The following RAD52 variants were observed in gnomAD, a reference collection of about 807,000 sequenced individuals.
RAD52 encodes RAD52 DNA repair protein.
RAD52 carries 47 observed loss-of-function variants against 55.5 expected under a neutral mutation model. That is an observed-to-expected ratio of 0.85 (90% confidence interval 0.67 to 1.08). The LOEUF is 1.08. Ranked by LOEUF, RAD52 falls within the 50% of genes least tolerant of loss-of-function variation. The pLI is 0.00. For missense variants in RAD52, 468 were observed against 522.8 expected (o/e 0.90, Z 1.02); for synonymous variants, 184 against 198.9 (o/e 0.92, Z 0.63).
intron 1 of RAD52, among the ~76,000 whole-genome samples, chr12:971,755 A>AT (rs902951282): frequency 2.0e-3 from 298 of 148,222 alleles, no homozygotes; most frequent in African/African-American, 5.7e-3. Context: ...GCTATTTGGA[A>AT]TTTTTTTTTT....
intron 9 of RAD52, among the ~76,000 whole-genome samples, chr12:915,136 A>C (rs1956287998): frequency 6.6e-6 from 1 of 152,140 alleles, no homozygotes; most frequent in South Asian, 2.1e-4. Flanking sequence ...CCTGTCTGAA[A>C]ACAAACCAAC....
At chr12:980,239 GA>G (rs980493350) in intron 1 of RAD52, among the ~76,000 whole-genome samples, 15 of 148,824 alleles carry the variant, frequency 1.0e-4, no homozygotes, top group South Asian at 8.4e-4. Context: ...ATATAGGCTA[GA>G]AAAAAAAATA....
chr12:924,804 G>A (rs911668960), intron 7 of RAD52, among the ~76,000 whole-genome samples: 4 of 152,178 alleles, frequency 2.6e-5, no homozygotes, highest in Admixed American at 6.5e-5. Context: ...GCTCAACAGC[G>A]AGGCTGGGAG....
intron 3 of RAD52, 87 bp downstream of exon 3, chr12:931,133 A>T: frequency 9.1e-7 from 1 of 1,093,790 alleles, no homozygotes; most frequent in Non-Finnish European, 1.4e-6. Flanking sequence ...AGACTTCCGA[A>T]TCCCTGAGGA....
Position 913,191 on chromosome 12 carries a change from A to G in RAD52, c.*200T>C, listed in dbSNP as rs929851843. 1 of 591,452 alleles carries G rather than the reference A, an allele frequency of 1.7e-6. No individual in the cohort carries two copies. Among genetic ancestry groups the G allele is most frequent in the Admixed American group, 3.2e-5 (1 of 31,272 alleles). The allele number at this position is 591,452 out of a possible 1,614,324, so 36.6% of individuals were successfully genotyped here. A position where few individuals can be genotyped will look rare whatever the true frequency, so the allele number is the denominator to read the frequency against. On this transcript the variant is annotated 3_prime_UTR_variant, in exon 12 of 12. Coordinates refer to ENST00000358495, the MANE Select transcript of RAD52 (RefSeq NM_134424.4). The stretch of plus-strand genomic sequence containing the variant: ...TCTGTCCAGAGCCTCTCCCTACTAG[A>G]GTGATGGACAAGCTTTTCAAAAGTG...
intron 1 of RAD52, chr12:974,361 G>T (rs953348829): frequency 3.3e-5 from 5 of 152,144 alleles, no homozygotes; most frequent in Non-Finnish European, 7.3e-5. Flanking sequence ...TAAAAGGCAG[G>T]TTTTTTTCTT....
intron 1 of RAD52, among the ~76,000 whole-genome samples, chr12:941,340 C>CA (rs1475645469): frequency 3.3e-5 from 5 of 151,778 alleles, no homozygotes; most frequent in Admixed American, 2.6e-4. Context: ...TTTTTTGAGA[C>CA]AGAGTTTCAC....
chr12:964,457 A>ACCTGGGTGGGG (rs1958729974), intron 1 of RAD52, among the ~76,000 whole-genome samples: 1 of 152,022 alleles, frequency 6.6e-6, no homozygotes, highest in African/African-American at 2.4e-5. Context: ...AATCCCAGCT[A>ACCTGGGTGGGG]CTCAGGAGGC....
In RAD52 at chr12:914,524, G is replaced by A; in HGVS notation, c.874C>T (p.Pro292Ser). ...GTGCTGTGCGTCACAGGAGGGGCCGGAGGCGCTGCTACGGTTCACAGAGGA... is the reference window on the plus strand; with the variant it reads ...GTGCTGTGCGTCACAGGAGGGGCCGAAGGCGCTGCTACGGTTCACAGAGGA... ...PSAEKSEAAP[P>S]APPVTHSTPV... The change falls in exon 10 of 12, where the codon CCG becomes TCG. Residue 292 changes from proline to serine, a missense_variant. By Grantham distance (74) the Pro-to-Ser change is moderately conservative (BLOSUM62 -1). Transcript: ENST00000358495. The A allele has an allele frequency of 6.2e-7, 1 of 1,613,462 alleles. No individual in the cohort carries two copies. The highest frequency in any genetic ancestry group is 8.5e-7 in the Non-Finnish European group (1 of 1,179,882).
chr12:936,177 G>A (rs915128178), intron 1 of RAD52, among the ~76,000 whole-genome samples: 1 of 151,862 alleles, frequency 6.6e-6, no homozygotes, highest in African/African-American at 2.4e-5. Flanking sequence ...AGTGGCGCGT[G>A]CCTGTAGTCC....
intron 1 of RAD52, among the ~76,000 whole-genome samples, chr12:979,217 A>G (rs1592495994): frequency 6.6e-6 from 1 of 152,220 alleles, no homozygotes; most frequent in East Asian, 1.9e-4. Context: ...AGGTGGGTGG[A>G]CTGTCTGAGC....
intron 9 of RAD52, 26 bp downstream of exon 9, chr12:916,303 TGCAGACGCCTCCCAG>T: frequency 6.3e-7 from 1 of 1,595,756 alleles, no homozygotes; most frequent in Non-Finnish European, 8.5e-7. Context: ...CACTTCCTCC[TGCAGACGCCTCCCAG>T]GGCCCTGCTC....
chr12:983,191 T>A (rs183811320), intron 1 of RAD52, among the ~76,000 whole-genome samples: 3 of 152,142 alleles, frequency 2.0e-5, no homozygotes, highest in Admixed American at 2.0e-4. Flanking sequence ...ACTCGTTCAC[T>A]CTCTACCCAT....
chr12:971,627 A>G (rs1324954158), intron 1 of RAD52, among the ~76,000 whole-genome samples: 1 of 152,244 alleles, frequency 6.6e-6, no homozygotes, highest in Non-Finnish European at 1.5e-5. Context: ...AAATATGGAA[A>G]GATAATAAAT....
At chr12:915,916 CA>C (rs1956344509) in intron 9 of RAD52, among the ~76,000 whole-genome samples, 1 of 152,118 alleles carries the variant, frequency 6.6e-6, no homozygotes, top group Non-Finnish European at 1.5e-5. Flanking sequence ...GGGGTTTCGC[CA>C]TGATGGCCAG....
In RAD52 at chr12:914,120, C is replaced by A. The variant is rs763741878; in HGVS notation, c.969G>T (p.Lys323Asn). ...FLAGVTQELI[K>N]TLEDNSEKWA... Reference sequence around the variant, plus strand: ...ACTTTTCAGAGTTGTCTTCAAGAGTCTCTACAGAGGTCAAGGAAAAGTGCG... The same window carrying A: ...ACTTTTCAGAGTTGTCTTCAAGAGTATCTACAGAGGTCAAGGAAAAGTGCG... The change falls in exon 11 of 12, where the codon AAG (lysine) becomes AAT (asparagine). Residue 323 changes from lysine (K) to asparagine (N), a missense_variant and splice_region_variant. Physicochemically the swap from Lys to Asn is moderately conservative, Grantham distance 94. Transcript: ENST00000358495. 1 of 1,613,172 alleles carries A rather than the reference C, an allele frequency of 6.2e-7. No individual in the cohort carries two copies. Among genetic ancestry groups the A allele is most frequent in the African/African-American group, 1.3e-5 (1 of 74,890 alleles).
intron 1 of RAD52, among the ~76,000 whole-genome samples, chr12:985,728 C>T (rs892237091): frequency 2.2e-4 from 34 of 152,182 alleles, no homozygotes; most frequent in African/African-American, 7.5e-4. Flanking sequence ...TTGCAACCTC[C>T]GGCTCCCAGG....
At chr12:956,258 G>A (rs1417764212) in intron 1 of RAD52, among the ~76,000 whole-genome samples, 1 of 152,104 alleles carries the variant, frequency 6.6e-6, no homozygotes, top group South Asian at 2.1e-4. Flanking sequence ...TAATTCTGAC[G>A]TCGTTAGAAC....
At chr12:971,365 G>A (rs1476651288) in intron 1 of RAD52, among the ~76,000 whole-genome samples, 1 of 151,904 alleles carries the variant, frequency 6.6e-6, no homozygotes, top group Non-Finnish European at 1.5e-5. Flanking sequence ...ATATAACTAA[G>A]ATATAAAGAT....
Sources: allele counts gnomAD v4.1 joint callset (sites outside exome capture counted in the v4.1 genomes callset), GRCh38; gene constraint gnomAD v4.1.1; transcripts MANE v1.5; gene names NCBI Gene and HGNC (gene_info 2026-07-23, HGNC 2026-07-21).